The following MROH2A variants were observed in gnomAD, a reference collection of about 807,000 sequenced individuals.
MROH2A encodes maestro heat-like repeat-containing protein family member 2A.
A neutral mutation model predicts 200.4 loss-of-function variants in MROH2A; 174 were observed. The ratio of observed to expected loss-of-function variants is 0.87; its 90% confidence interval spans 0.77 to 0.98. The LOEUF (loss-of-function observed/expected upper bound fraction) is 0.98. Ranked by LOEUF, MROH2A falls within the 50% of genes least tolerant of loss-of-function variation. The pLI, the probability that MROH2A is intolerant of heterozygous loss-of-function variation, is 0.00. For missense variants in MROH2A, 2,045 were observed against 2,139.6 expected (o/e 0.96, Z 0.87); for synonymous variants, 829 against 840.4 (o/e 0.99, Z 0.23).
In MROH2A at chr2:233,809,204, C is replaced by G. The variant is rs1465539586; in HGVS notation, c.2374C>G (p.Pro792Ala). The G allele has an allele frequency of 1.8e-5, 28 of 1,550,396 alleles. No individual in the cohort carries two copies. Among genetic ancestry groups the G allele is most frequent in the African/African-American group, 2.7e-5 (2 of 72,994 alleles). ...MYSCVASYCH[P>A]QLLLNLVDSP... ...TAGCTGCGTGGCCTCCTACTGCCAC[C>G]CCCAGTTGCTCCTCAACCTCGTGGA... The change falls in exon 22 of 42, where the codon CCC becomes GCC. Residue 792 changes from proline to alanine, a missense_variant. Around this residue, in one of 3 missense-constraint regions of MROH2A, gnomAD observed 1,201 missense variants for 1,311.3 expected, o/e 0.92. Coordinates refer to ENST00000389758, the MANE Select transcript of MROH2A (RefSeq NM_001394639.1).
Position 233,807,497 on chromosome 2 carries a change from G to C in MROH2A, c.2127G>C (p.Leu709Phe). The change falls in exon 20 of 42, where the codon TTG becomes TTC. Residue 709 changes from leucine (L) to phenylalanine (F), a missense_variant. By Grantham distance (22) the Leu-to-Phe change is conservative. Around this residue, in one of 3 missense-constraint regions of MROH2A, gnomAD observed 1,201 missense variants for 1,311.3 expected, o/e 0.92. Transcript: ENST00000389758. The surrounding 1 kb of genome is among the most constrained non-coding windows in gnomAD (Gnocchi z 4.3). The stretch of plus-strand genomic sequence containing the variant: ...CCAGCAAGGTGGAGGTCCTGCTGTT[G>C]GAGCTGCTGTACAAGACGGACTACA... ...LEASKVEVLL[L>F]ELLYKTDYSN... The C allele has an allele frequency of 6.4e-7, 1 of 1,550,636 alleles. No individual in the cohort carries two copies. Among genetic ancestry groups the C allele is most frequent in the East Asian group, 2.4e-5 (1 of 40,928 alleles).
At chr2:233,780,130 A>T (rs1194090965) in intron 3 of MROH2A, among the ~76,000 whole-genome samples, 1 of 152,168 alleles carries the variant, frequency 6.6e-6, no homozygotes, top group African/African-American at 2.4e-5. Context: ...TGGGCATGGG[A>T]GAGTAAAGAT....
At chr2:233,788,726 A>C (rs954565268) in intron 3 of MROH2A, among the ~76,000 whole-genome samples, 1 of 151,844 alleles carries the variant, frequency 6.6e-6, no homozygotes, top group African/African-American at 2.4e-5. Flanking sequence ...TCACGAGGTC[A>C]GGAGATGGAG....
At position 233,820,164 on chromosome 2, in the gene MROH2A, C is replaced by T; in HGVS notation, c.3512+108C>T. ...CTGGAGCCTTGGGCAGTACCCTGCC[C>T]CACCCTGAAGGAGGTCGAAGCCCTC... On this transcript the variant is annotated intron_variant, in intron 31 of 41. Transcript: ENST00000389758. The surrounding 1 kb of genome is among the most constrained non-coding windows in gnomAD (Gnocchi z 4.1). The T allele has an allele frequency of 9.6e-7, 1 of 1,045,870 alleles. No homozygotes were observed. Among genetic ancestry groups the T allele is most frequent in the Middle Eastern group, 3.3e-4 (1 of 3,002 alleles). 64.8% of individuals were successfully genotyped at this position (1,045,870 alleles called of 1,614,324 possible).
intron 27 of MROH2A, among the ~76,000 whole-genome samples, chr2:233,817,751 A>G (rs925633649): frequency 9.2e-5 from 14 of 152,286 alleles, no homozygotes; most frequent in African/African-American, 2.6e-4. Context: ...CTGTGAACTG[A>G]GCAGAGCTGA....
intron 3 of MROH2A, among the ~76,000 whole-genome samples, chr2:233,788,232 G>A (rs1701497260): frequency 8.3e-6 from 1 of 120,974 alleles, no homozygotes; most frequent in Non-Finnish European, 1.6e-5. Flanking sequence ...GTTGGGGTGT[G>A]ATTAGGAAAA....
Position 233,813,695 on chromosome 2 carries a change from G to A in MROH2A, c.2677G>A (p.Glu893Lys). 1.3e-6 allele frequency: 2 copies of A among 1,549,992 alleles called. No homozygotes were observed. The highest frequency in any genetic ancestry group is 1.7e-6 in the Non-Finnish European group (2 of 1,146,538). ...LSKLKPFYST[E>K]ENSELMDISI... ...CAAGCTGAAGCCTTTCTACTCCACA[G>A]AGGAAAACAGTGAGCTGATGGATAT... Residue 893 changes from glutamate to lysine, a missense_variant, in exon 25 of 42, where the codon GAG becomes AAG. Transcript: ENST00000389758.
intron 35 of MROH2A, among the ~76,000 whole-genome samples, chr2:233,826,649 G>C (rs1704328942): frequency 6.6e-6 from 1 of 152,134 alleles, no homozygotes; most frequent in Non-Finnish European, 1.5e-5. Flanking sequence ...TACCATTCAG[G>C]ACATGGGCAT....
intron 9 of MROH2A, 100 bp downstream of exon 9, chr2:233,795,845 TC>T: frequency 6.5e-7 from 1 of 1,545,006 alleles, no homozygotes; most frequent in Non-Finnish European, 8.8e-7. Flanking sequence ...CTCGCGTGCT[TC>T]CTTTATCCTG....
chr2:233,814,624 G>A lies in MROH2A; in HGVS notation c.2803G>A (p.Glu935Lys). The A allele has an allele frequency of 6.4e-7, 1 of 1,550,480 alleles. No homozygotes were observed. The highest frequency in any genetic ancestry group is 1.2e-5 in the South Asian group (1 of 84,044). Residue 935 changes from glutamate (E) to lysine (K), a missense_variant, in exon 26 of 42, where the codon GAG becomes AAG. Glu to Lys is a moderately conservative substitution (Grantham distance 56). This residue lies in a region of MROH2A where 1,201 missense variants were observed against 1,311.3 expected (regional missense o/e 0.92). Coordinates refer to ENST00000389758, the MANE Select transcript of MROH2A (RefSeq NM_001394639.1). ...NALSSLEQLM[E>K]SLLQRQLDPK... ...CCTGAGCTCCCTGGAGCAGCTGATGGAGAGCCTCCTGCAGAGGCAGCTGGA... is the reference window on the plus strand; with the variant it reads ...CCTGAGCTCCCTGGAGCAGCTGATGAAGAGCCTCCTGCAGAGGCAGCTGGA...
chr2:233,800,359 G>T, intron 14 of MROH2A, 44 bp downstream of exon 14: 1 of 1,186,290 alleles, frequency 8.4e-7, no homozygotes, highest in Non-Finnish European at 1.2e-6. Context: ...CACCACGCCA[G>T]GCTGGGGGTG....
chr2:233,813,714 T>A lies in MROH2A; in HGVS notation c.2696T>A (p.Met899Lys), dbSNP rs1404771470. 5 of 1,550,236 alleles carry A rather than the reference T, an allele frequency of 3.2e-6. No homozygotes were observed. In the African/African-American group the frequency reaches 4.1e-5, roughly 13 times the overall value. ...TCCACAGAGGAAAACAGTGAGCTGA[T>A]GGATATCAGCATACATTCTGTAATT... ...FYSTEENSELMDISIHSVISL... is the reference protein window; with the variant it reads ...FYSTEENSELKDISIHSVISL... Residue 899 changes from methionine (M) to lysine (K), a missense_variant, in exon 25 of 42, where the codon ATG becomes AAG. By Grantham distance (95) the Met-to-Lys change is moderately conservative. Transcript: ENST00000389758.
In MROH2A at chr2:233,809,172, T is replaced by C; in HGVS notation, c.2342T>C (p.Val781Ala). 6.4e-7 allele frequency: 1 copy of C among 1,550,468 alleles called. No individual in the cohort carries two copies. The highest frequency in any genetic ancestry group is 1.7e-4 in the Middle Eastern group (1 of 5,992). ...RRETVKSALM[V>A]MYSCVASYCH... ...GAGACAGTGAAAAGTGCCCTCATGG[T>C]GATGTATAGCTGCGTGGCCTCCTAC... The change falls in exon 22 of 42, where the codon GTG (valine) becomes GCG (alanine). Residue 781 changes from valine to alanine, a missense_variant. Coordinates refer to ENST00000389758, the MANE Select transcript of MROH2A (RefSeq NM_001394639.1).
At position 233,832,229 on chromosome 2, in the gene MROH2A, A is replaced by G. The variant is rs1177148407; in HGVS notation, c.4787A>G (p.Tyr1596Cys). Reference protein sequence around the residue: ...LYRFLLETMAYVKNNLSRIRI... With the variant: ...LYRFLLETMACVKNNLSRIRI... ...CGCTTCTTGCTAGAAACAATGGCCT[A>G]TGTTAAAAATAACTTGTCAAGAATC... The change falls in exon 40 of 42, where the codon TAT (tyrosine) becomes TGT (cysteine). Residue 1596 changes from tyrosine to cysteine, a missense_variant. By Grantham distance (194) the Tyr-to-Cys change is radical. Transcript: ENST00000389758. The G allele has an allele frequency of 1.3e-5, 20 of 1,550,664 alleles. No individual in the cohort carries two copies. Among genetic ancestry groups the G allele is most frequent in the Middle Eastern group, 3.3e-4 (2 of 6,016 alleles).
intron 34 of MROH2A, 93 bp from the exon 35 acceptor site, chr2:233,823,463 G>T: frequency 6.9e-7 from 1 of 1,440,352 alleles, no homozygotes; most frequent in Non-Finnish European, 9.3e-7. Flanking sequence ...TGCCACCAGG[G>T]TCCAGGCACC....
At position 233,829,727 on chromosome 2, in the gene MROH2A, G is replaced by A; in HGVS notation, c.4554G>A (p.Trp1518Ter). 15 of 1,486,974 alleles carry A rather than the reference G, an allele frequency of 1.0e-5. No individual in the cohort carries two copies. The highest frequency in any genetic ancestry group is 1.3e-5 in the Non-Finnish European group (14 of 1,115,508). The allele number at this position is 1,486,974 out of a possible 1,614,324, so 92.1% of individuals were successfully genotyped here. A position where few individuals can be genotyped will look rare whatever the true frequency, so the allele number is the denominator to read the frequency against. Residue 1518 changes from tryptophan to a stop codon, truncating the protein, a stop_gained, in exon 38 of 42, where the codon TGG (tryptophan) becomes TGA (stop). Transcript: ENST00000389758. LOFTEE classifies it high-confidence loss of function. ...HFFKGEVKKA[W>*]IPLMLHSQDP... is the part of the protein sequence containing the mutation. ...TCAAAGGGGAGGTGAAGAAGGCCTG[G>A]ATCCCCCTCATGCTGCACTCCCAGG...
Position 233,832,227 on chromosome 2 carries a change from C to T in MROH2A, c.4785C>T (p.Ala1595=), listed in dbSNP as rs1704811825. The change falls in exon 40 of 42, where the codon GCC becomes GCT. Residue 1595 remains alanine (A), a synonymous_variant. Coordinates refer to ENST00000389758, the MANE Select transcript of MROH2A (RefSeq NM_001394639.1). ...VLYRFLLETM[A]YVKNNLSRIR... ...ACCGCTTCTTGCTAGAAACAATGGC[C>T]TATGTTAAAAATAACTTGTCAAGAA... 3 of 1,550,746 alleles carry T rather than the reference C, an allele frequency of 1.9e-6. No individual in the cohort carries two copies. Among genetic ancestry groups the T allele is most frequent in the East Asian group, 4.9e-5 (2 of 40,928 alleles).
intron 3 of MROH2A, among the ~76,000 whole-genome samples, chr2:233,780,252 C>T (rs1157176542): frequency 6.6e-6 from 1 of 152,178 alleles, no homozygotes; most frequent in African/African-American, 2.4e-5. Flanking sequence ...ACCAGGGGAC[C>T]TGGTGGGCTT....
At chr2:233,822,330 A>G (rs1470703074) in intron 32 of MROH2A, 33 bp from the exon 33 acceptor site, 28 of 1,548,464 alleles carry the variant, frequency 1.8e-5, no homozygotes, top group Non-Finnish European at 2.4e-5. Context: ...GTCTCTGGGT[A>G]GGAGCCCGAT....
Sources: gnomAD v4.1 joint callset for allele counts (sites outside exome capture counted in the v4.1 genomes callset) on GRCh38, gnomAD v4.1.1 for gene constraint, gnomAD v4.1.1 regional missense constraint, Gnocchi (gnomAD v3.1) non-coding constraint, MANE v1.5 for transcripts, NCBI Gene and HGNC (gene_info 2026-07-23, HGNC 2026-07-21) for gene names.